Variants in CNTN4 observed in about 807,000 individuals in gnomAD.
CNTN4 encodes the protein contactin-4.
Under a neutral mutation model 122.5 loss-of-function variants are expected in CNTN4, and 77 were observed. The observed-to-expected ratio is 0.63, with a 90% CI of 0.52 to 0.76. CNTN4 has a LOEUF of 0.76. CNTN4 is among the 30% of genes least tolerant of loss of function. The pLI is 0.00. For missense variants in CNTN4, 1,256 were observed against 1,259.1 expected (o/e 1.00, Z 0.04); for synonymous variants, 512 against 447.0 (o/e 1.15, Z -1.83).
At chr3:2,527,087 G>A (rs898914980) in intron 3 of CNTN4, among the ~76,000 whole-genome samples, 3 of 152,142 alleles carry the variant, frequency 2.0e-5, no homozygotes, top group Admixed American at 1.3e-4. Flanking sequence ...TAAGAATGAG[G>A]TTGCATCCAG....
chr3:2,974,802 C>G (rs567612245), intron 13 of CNTN4, among the ~76,000 whole-genome samples: 10 of 152,252 alleles, frequency 6.6e-5, no homozygotes, highest in Admixed American at 4.6e-4. Flanking sequence ...TTCATTTTCT[C>G]TCTTAGAAAT....
At chr3:2,237,372 G>T (rs1472423795) in intron 2 of CNTN4, among the ~76,000 whole-genome samples, 1 of 152,136 alleles carries the variant, frequency 6.6e-6, no homozygotes, top group African/African-American at 2.4e-5. Flanking sequence ...AAACTCCAGA[G>T]GCTGAAGCAG....
intron 19 of CNTN4, 119 bp downstream of exon 19, chr3:3,039,122 G>A (rs1452895686): frequency 2.2e-6 from 2 of 891,284 alleles, no homozygotes; most frequent in Non-Finnish European, 3.7e-6. Flanking sequence ...AAATTCATTT[G>A]GGTTCAGACA....
intron 2 of CNTN4, among the ~76,000 whole-genome samples, chr3:2,228,950 G>T (rs766587418): frequency 1.3e-5 from 2 of 152,088 alleles, no homozygotes; most frequent in African/African-American, 2.4e-5. Flanking sequence ...ATAGATGTCA[G>T]AACCACTTTT....
At chr3:2,491,489 A>C (rs918274876) in intron 3 of CNTN4, among the ~76,000 whole-genome samples, 3 of 152,320 alleles carry the variant, frequency 2.0e-5, no homozygotes, top group Non-Finnish European at 4.4e-5. Flanking sequence ...ATACTTAAAA[A>C]ATATTTTTCT....
intron 4 of CNTN4, among the ~76,000 whole-genome samples, chr3:2,580,359 C>A (rs2079880957): frequency 6.6e-6 from 1 of 152,088 alleles, no homozygotes; most frequent in African/African-American, 2.4e-5. Context: ...AATGGTACTT[C>A]CAGTAGTTTA....
intron 3 of CNTN4, among the ~76,000 whole-genome samples, chr3:2,562,835 C>T (rs1311024603): frequency 6.6e-6 from 1 of 152,058 alleles, no homozygotes; most frequent in Non-Finnish European, 1.5e-5. Context: ...ACAATCCTCC[C>T]ACCTCAGCCT....
intron 6 of CNTN4, among the ~76,000 whole-genome samples, chr3:2,785,067 C>T (rs572434027): frequency 2.0e-5 from 3 of 151,644 alleles, no homozygotes; most frequent in African/African-American, 7.3e-5. Context: ...AAGACATGGG[C>T]AAGTACATGT....
intron 13 of CNTN4, among the ~76,000 whole-genome samples, chr3:2,938,198 T>C (rs1044505205): frequency 1.3e-5 from 2 of 152,180 alleles, no homozygotes; most frequent in African/African-American, 4.8e-5. Context: ...TTGGGGATCC[T>C]TGGGGATTCA....
intron 12 of CNTN4, among the ~76,000 whole-genome samples, chr3:2,911,682 G>A (rs1165253132): frequency 6.6e-6 from 1 of 151,788 alleles, no homozygotes; most frequent in Non-Finnish European, 1.5e-5. Context: ...ATAACTAAAG[G>A]AAATCAGGTA....
Position 2,126,024 on chromosome 3 carries a change from A to G in CNTN4, c.-145+25385A>G, listed in dbSNP as rs558900304. Among the ~76,000 whole-genome samples, 682 of 152,202 alleles carry G rather than the reference A, an allele frequency of 4.5e-3. 5 individuals carry two copies. Among genetic ancestry groups the G allele is most frequent in the Non-Finnish European group, 6.7e-3 (453 of 68,022 alleles). On this transcript the variant is annotated intron_variant, in intron 2 of 24. Transcript: ENST00000418658. The stretch of plus-strand genomic sequence containing the variant: ...GATCAGCACTAATTGTCACTCTGTT[A>G]TACTAAAAGCTCTTTCCGTAGTGTG...
chr3:2,381,512 T>C (rs914629608), intron 3 of CNTN4, among the ~76,000 whole-genome samples: 1 of 152,158 alleles, frequency 6.6e-6, no homozygotes. Context: ...TGAACTATAG[T>C]GTTCTGTAAT....
chr3:2,998,202 G>T (rs1695703672), intron 14 of CNTN4, among the ~76,000 whole-genome samples: 1 of 152,142 alleles, frequency 6.6e-6, no homozygotes, highest in Non-Finnish European at 1.5e-5. Context: ...TCATGTGTAA[G>T]ACAAAGGAAA....
At chr3:2,596,734 A>G (rs2080787425) in intron 4 of CNTN4, among the ~76,000 whole-genome samples, 1 of 152,108 alleles carries the variant, frequency 6.6e-6, no homozygotes, top group African/African-American at 2.4e-5. Context: ...AGGCGATTTG[A>G]CTCTAAAGGT....
At chr3:3,033,060 T>C (rs1355488336) in intron 16 of CNTN4, among the ~76,000 whole-genome samples, 1 of 152,194 alleles carries the variant, frequency 6.6e-6, no homozygotes, top group East Asian at 1.9e-4. Flanking sequence ...TTCCTATCGA[T>C]TTAATTCTTT....
At chr3:2,599,407 A>T (rs1576164561) in intron 4 of CNTN4, among the ~76,000 whole-genome samples, 1 of 152,140 alleles carries the variant, frequency 6.6e-6, no homozygotes, top group South Asian at 2.1e-4. Context: ...ATCCTTGGGG[A>T]TTTATTTTTC....
At chr3:2,195,951 TG>T (rs1358402429) in intron 2 of CNTN4, among the ~76,000 whole-genome samples, 1 of 152,186 alleles carries the variant, frequency 6.6e-6, no homozygotes, top group Non-Finnish European at 1.5e-5. Context: ...CCTTATATAT[TG>T]TTAAGCTTTT....
chr3:2,838,097 C>T lies in CNTN4; in HGVS notation c.454+18516C>T, dbSNP rs189448632. Among the ~76,000 whole-genome samples, 24 of 152,306 alleles carry T rather than the reference C, an allele frequency of 1.6e-4. No individual in the cohort carries two copies. The East Asian group carries it at 4.6e-3, about 29-fold the overall frequency. ...GTTCTGTCAGTTTTGTGACCATGAG[C>T]AGTTTCATTCAAGAAACCACATGGA... On this transcript the variant is annotated intron_variant, in intron 7 of 24. Coordinates refer to ENST00000418658, the MANE Select transcript of CNTN4 (RefSeq NM_175607.3).
chr3:2,877,030 T>G (rs1177660443), intron 8 of CNTN4, among the ~76,000 whole-genome samples: 1 of 152,132 alleles, frequency 6.6e-6, no homozygotes, highest in Non-Finnish European at 1.5e-5. Flanking sequence ...ACTCAAGCCT[T>G]TCAGTTGATT....
Sources: gnomAD v4.1 joint callset for allele counts (sites outside exome capture counted in the v4.1 genomes callset) on GRCh38, gnomAD v4.1.1 for gene constraint, MANE v1.5 for transcripts, NCBI Gene and HGNC (gene_info 2026-07-23, HGNC 2026-07-21) for gene names.